CREM: variants seen among roughly 807,000 people sequenced by gnomAD.
The protein encoded by CREM is cAMP-responsive element modulator.
Under a neutral mutation model 37.3 loss-of-function variants are expected in CREM, and 13 were observed. The ratio of observed to expected loss-of-function variants is 0.35; its 90% CI spans 0.23 to 0.55. CREM has a LOEUF of 0.55. Ranked by LOEUF, CREM falls within the 20% of genes least tolerant of loss-of-function variation. The probability of loss-of-function intolerance (pLI) is 0.88; values close to 1 mark genes in which losing one functional copy is unlikely to be tolerated. For missense variants in CREM, 296 were observed against 362.3 expected (o/e 0.82, Z 1.49); for synonymous variants, 124 against 120.2 (o/e 1.03, Z -0.21).
At chr10:35,128,469 GTTTT>G (rs1564771555) in intron 1 of CREM, among the ~76,000 whole-genome samples, 1 of 150,548 alleles carries the variant, frequency 6.6e-6, no homozygotes, top group African/African-American at 2.5e-5. Context: ...AAACCACGCT[GTTTT>G]TTATTTGTTG....
rs1406695709 is a variant in CREM at position 35,212,540 on chromosome 10, A to T, written c.*1142A>T. 1 of 152,768 alleles carries T rather than the reference A, an allele frequency of 6.5e-6. No homozygotes were observed. The highest frequency in any genetic ancestry group is 1.5e-5 in the Non-Finnish European group (1 of 68,038). 9.5% of individuals were successfully genotyped at this position (152,768 alleles called of 1,614,324 possible). ...TTATATCTGGAATGAGCCTGTTGGG[A>T]TCGCATTGCATACCTTCGGGGTACA... On this transcript the variant is annotated 3_prime_UTR_variant, in exon 8 of 8. Transcript: ENST00000685392.
intron 3 of CREM, 103 bp downstream of exon 3, chr10:35,148,594 T>C (rs2092346462): frequency 7.9e-7 from 1 of 1,269,214 alleles, no homozygotes; most frequent in East Asian, 2.5e-5. Context: ...CCATGTTCCC[T>C]GGTTATCAGC....
In CREM at chr10:35,174,564, T is replaced by C. The variant is rs149192858; in HGVS notation, c.169-4325T>C. Among the ~76,000 whole-genome samples, 7 of 152,352 alleles carry C rather than the reference T, an allele frequency of 4.6e-5. No individual in the cohort carries two copies. In the East Asian group the frequency reaches 9.6e-4, roughly 21 times the overall value. ...TAATATAAGTTGGAAATCATTGGTG[T>C]TCCTCAAAGTGAAGTCACACACAAA... On this transcript the variant is annotated intron_variant, in intron 3 of 7. Transcript: ENST00000685392.
chr10:35,181,876 AAAC>A (rs1274519788), intron 5 of CREM, among the ~76,000 whole-genome samples: 1 of 152,208 alleles, frequency 6.6e-6, no homozygotes, highest in East Asian at 1.9e-4. Flanking sequence ...CTCTGTCTCA[AAAC>A]AACAAACAAA....
chr10:35,141,445 A>G (rs1197042860), intron 2 of CREM, among the ~76,000 whole-genome samples: 1 of 152,194 alleles, frequency 6.6e-6, no homozygotes, highest in African/African-American at 2.4e-5. Flanking sequence ...TAGAAGGTAG[A>G]ATCATCATAC....
intron 1 of CREM, among the ~76,000 whole-genome samples, chr10:35,133,464 A>G (rs1337060204): frequency 3.3e-5 from 5 of 151,940 alleles, no homozygotes; most frequent in African/African-American, 1.2e-4. Context: ...GTGCCTGGCT[A>G]ATTTCTGTAT....
intron 3 of CREM, among the ~76,000 whole-genome samples, chr10:35,171,006 A>G (rs2093788080): frequency 6.6e-6 from 1 of 151,982 alleles, no homozygotes; most frequent in Non-Finnish European, 1.5e-5. Context: ...TAATGAAAAA[A>G]TTGTCTCATG....
chr10:35,176,973 G>A (rs1347879333), intron 3 of CREM, among the ~76,000 whole-genome samples: 1 of 151,806 alleles, frequency 6.6e-6, no homozygotes, highest in African/African-American at 2.4e-5. Flanking sequence ...TATTAAATAT[G>A]CATTTTTTAA....
At chr10:35,167,544 C>T (rs548145963) in intron 3 of CREM, 21 of 585,424 alleles carry the variant, frequency 3.6e-5, no homozygotes, top group African/African-American at 1.3e-4. Flanking sequence ...AACCTAGCTA[C>T]GGGTCAGAGC....
At chr10:35,139,981 G>C (rs934025341) in intron 2 of CREM, among the ~76,000 whole-genome samples, 1 of 152,150 alleles carries the variant, frequency 6.6e-6, no homozygotes, top group African/African-American at 2.4e-5. Context: ...TGAATCTTCT[G>C]CACTGAGTCC....
At chr10:35,155,054 T>C (rs533661915) in intron 3 of CREM, among the ~76,000 whole-genome samples, 2 of 152,306 alleles carry the variant, frequency 1.3e-5, no homozygotes, top group Admixed American at 6.5e-5. Context: ...ATTTTGATGT[T>C]GCAGAGGTAA....
At chr10:35,166,575 A>G (rs1312990285) in intron 3 of CREM, among the ~76,000 whole-genome samples, 2 of 151,584 alleles carry the variant, frequency 1.3e-5, no homozygotes, top group Non-Finnish European at 2.9e-5. Flanking sequence ...AAAAAAAAAA[A>G]AAAATTACCA....
chr10:35,194,084 C>T (rs1027581280), intron 6 of CREM, among the ~76,000 whole-genome samples: 4 of 80,742 alleles, frequency 5.0e-5, no homozygotes, highest in South Asian at 4.5e-4. Flanking sequence ...GGGAGAATAG[C>T]GAGACTTCAT....
Position 35,211,296 on chromosome 10 carries a change from C to T in CREM, c.798C>T (p.Val266=), listed in dbSNP as rs371182851. Residue 266 remains valine, a synonymous_variant, in exon 8 of 8, where the codon GTC becomes GTT. Transcript: ENST00000685392. ...RECRRKKKEY[V]KCLENRVAVL... ...GTCGCAGGAAGAAGAAAGAATATGT[C>T]AAATGTCTTGAAAATCGTGTGGCTG... 3 of 1,613,694 alleles carry T rather than the reference C, an allele frequency of 1.9e-6. No homozygotes were observed. The highest frequency in any genetic ancestry group is 2.5e-6 in the Non-Finnish European group (3 of 1,179,866).
At chr10:35,182,452 T>G (rs919569082) in intron 5 of CREM, among the ~76,000 whole-genome samples, 1 of 152,162 alleles carries the variant, frequency 6.6e-6, no homozygotes, top group Admixed American at 6.5e-5. Flanking sequence ...TCAGCTTTTA[T>G]CCATGGATGG....
rs569324903 is a variant in CREM, at chr10:35,210,162, T to A, written c.756-1092T>A. On this transcript the variant is annotated intron_variant, in intron 7 of 7. Transcript: ENST00000685392. ...TTTAGACATTCAACACTGCTTTTTT[T>A]AACATATTTGAATGATAGTGTCTGT... is the stretch of plus-strand genomic sequence containing the variant. Among the ~76,000 whole-genome samples, 25 of 152,330 alleles carry A rather than the reference T, an allele frequency of 1.6e-4. No individual in the cohort carries two copies. In the South Asian group the frequency reaches 1.7e-3, roughly 10 times the overall value.
chr10:35,165,056 C>CA lies in CREM; in HGVS notation c.169-13811dup, dbSNP rs60898349. 1.1e-3 allele frequency among the ~76,000 whole-genome samples: 81 copies of CA among 74,890 alleles called. 3 individuals carry two copies. Among genetic ancestry groups the CA allele is most frequent in the African/African-American group, 3.8e-3 (72 of 18,832 alleles). The allele number at this position is 74,890 out of a possible 152,430, so 49.1% of individuals were successfully genotyped here. A position where few individuals can be genotyped will look rare whatever the true frequency, so the allele number is the denominator to read the frequency against. ...TGGGCCACAGAGCGAGGCTCCATCT[C>CA]AAAAAAAAAAAAAAAAAAAAAAGAA... On this transcript the variant is annotated intron_variant, in intron 3 of 7. Coordinates refer to ENST00000685392, the MANE Select transcript of CREM (RefSeq NM_183011.2).
At chr10:35,135,266 A>G (rs2090258547) in intron 1 of CREM, among the ~76,000 whole-genome samples, 2 of 152,324 alleles carry the variant, frequency 1.3e-5, no homozygotes, top group South Asian at 4.1e-4. Flanking sequence ...CTTGCCTATA[A>G]CAAACTAATC....
chr10:35,131,382 TTAGAA>T (rs1169856866), intron 1 of CREM, among the ~76,000 whole-genome samples: 32 of 152,332 alleles, frequency 2.1e-4, no homozygotes, highest in African/African-American at 7.7e-4. Context: ...ATCATCCAAC[TTAGAA>T]TAGCAAAATA....
Sources: gnomAD v4.1 joint callset for allele counts (sites outside exome capture counted in the v4.1 genomes callset) on GRCh38, gnomAD v4.1.1 for gene constraint, MANE v1.5 for transcripts, NCBI Gene and HGNC (gene_info 2026-07-23, HGNC 2026-07-21) for gene names.